DLGAP2: variants seen among roughly 807,000 people sequenced by gnomAD.
DLGAP2 encodes the protein DLG associated protein 2.
DLGAP2 carries 26 observed loss-of-function variants against 100.3 expected under a neutral mutation model. That is an observed-to-expected ratio of 0.26 (90% CI 0.19 to 0.36). DLGAP2 has a LOEUF of 0.36. Ranked by LOEUF, DLGAP2 falls within the 10% of genes least tolerant of loss-of-function variation. The pLI, the probability that DLGAP2 is intolerant of heterozygous loss-of-function variation, is 1.00. For missense variants in DLGAP2, 1,858 were observed against 1,453.2 expected (o/e 1.28, Z -4.53); for synonymous variants, 886 against 630.1 (o/e 1.41, Z -6.08).
chr8:1,410,469 C>G (rs535311350), intron 3 of DLGAP2, among the ~76,000 whole-genome samples: 2 of 152,232 alleles, frequency 1.3e-5, no homozygotes, highest in Non-Finnish European at 2.9e-5. Context: ...AACTTACTGT[C>G]ATGTCCCACA....
chr8:1,389,982 G>T (rs536303065), intron 3 of DLGAP2, among the ~76,000 whole-genome samples: 2 of 152,108 alleles, frequency 1.3e-5, no homozygotes, highest in African/African-American at 4.8e-5. Context: ...AGGAGCAACC[G>T]CAGGCTCTCG....
chr8:1,326,983 G>T (rs899867856), intron 3 of DLGAP2, among the ~76,000 whole-genome samples: 2 of 152,218 alleles, frequency 1.3e-5, no homozygotes, highest in African/African-American at 4.8e-5. Context: ...AATGACACAG[G>T]CCTTGGGCTA....
chr8:822,258 C>G (rs749142667), intron 1 of DLGAP2: 2 of 399,310 alleles, frequency 5.0e-6, no homozygotes, highest in African/African-American at 2.1e-5. Context: ...CCAGCATTTG[C>G]TTACTTCCTG....
At chr8:1,374,882 C>G (rs1048310600) in intron 3 of DLGAP2, among the ~76,000 whole-genome samples, 1 of 152,170 alleles carries the variant, frequency 6.6e-6, no homozygotes, top group Non-Finnish European at 1.5e-5. Flanking sequence ...CTTCGTCTTC[C>G]GTGACTCGCC....
At chr8:1,474,935 A>G (rs1446325938) in intron 3 of DLGAP2, among the ~76,000 whole-genome samples, 1 of 152,248 alleles carries the variant, frequency 6.6e-6, no homozygotes, top group African/African-American at 2.4e-5. Flanking sequence ...GCCCCCATAC[A>G]GACATCACAG....
At chr8:767,453 C>G (rs1821244920) in intron 1 of DLGAP2, among the ~76,000 whole-genome samples, 1 of 151,486 alleles carries the variant, frequency 6.6e-6, no homozygotes, top group African/African-American at 2.4e-5. Flanking sequence ...GCTCTGCCTC[C>G]CAGGTTCAAG....
At chr8:752,995 A>G (rs1001870351) in intron 1 of DLGAP2, among the ~76,000 whole-genome samples, 1 of 152,158 alleles carries the variant, frequency 6.6e-6, no homozygotes, top group African/African-American at 2.4e-5. Context: ...TGTGGTTACC[A>G]CTTTCCTACA....
rs539359359 is a variant in DLGAP2 at position 1,317,322 on chromosome 8, C to T, written c.106+58439C>T. On this transcript the variant is annotated intron_variant, in intron 3 of 14. Transcript: ENST00000637795. The stretch of plus-strand genomic sequence containing the variant: ...GCAGCTTTTAAAAATAGAGGCTGTG[C>T]GAGTGCAGCGTCTCTCCAACAGTGG... Among the ~76,000 whole-genome samples the T allele has an allele frequency of 7.0e-5, 9 of 128,846 alleles. 1 individual carries two copies. In the South Asian group the frequency reaches 1.9e-3, roughly 27 times the overall value. The allele number at this position is 128,846 out of a possible 152,430, so 84.5% of individuals were successfully genotyped here. A position where few individuals can be genotyped will look rare whatever the true frequency, so the allele number is the denominator to read the frequency against.
chr8:1,301,744 G>C (rs1252590831), intron 3 of DLGAP2: 1 of 152,226 alleles, frequency 6.6e-6, no homozygotes, highest in Non-Finnish European at 1.5e-5. Context: ...GTTTGAAGGA[G>C]GCTCTGGGCT....
chr8:1,661,942 T>C (rs952174503), intron 8 of DLGAP2, among the ~76,000 whole-genome samples: 2 of 152,204 alleles, frequency 1.3e-5, no homozygotes, highest in Admixed American at 6.5e-5. Flanking sequence ...GCCTGGGTGC[T>C]CTGCCAGAGC....
intron 4 of DLGAP2, among the ~76,000 whole-genome samples, chr8:1,508,214 A>G (rs1357581859): frequency 6.6e-6 from 1 of 150,684 alleles, no homozygotes; most frequent in Non-Finnish European, 1.5e-5. Context: ...TTTCTCCTAA[A>G]CATCACGCGT....
chr8:994,401 T>G (rs1056512459), intron 2 of DLGAP2, among the ~76,000 whole-genome samples: 1 of 152,130 alleles, frequency 6.6e-6, no homozygotes, highest in Non-Finnish European at 1.5e-5. Context: ...GTTTTCTCCA[T>G]GTTGGTCAGG....
intron 2 of DLGAP2, among the ~76,000 whole-genome samples, chr8:1,169,917 A>G (rs1179117395): frequency 3.9e-5 from 6 of 151,998 alleles, no homozygotes; most frequent in East Asian, 3.9e-4. Flanking sequence ...TTCCAACACT[A>G]GGTTGAATAG....
rs114665221 is a variant in DLGAP2, at chr8:1,072,188, A to G, written c.73+164222A>G. Among the ~76,000 whole-genome samples the G allele has an allele frequency of 1.0e-3, 153 of 152,224 alleles. 1 individual carries two copies. Among genetic ancestry groups the G allele is most frequent in the African/African-American group, 3.5e-3 (146 of 41,516 alleles). On this transcript the variant is annotated intron_variant, in intron 2 of 14. Coordinates refer to ENST00000637795, the MANE Select transcript of DLGAP2 (RefSeq NM_001346810.2). ...ACAGAAAAGTTGGTGACATCGAGAG[A>G]CATTCCCCCAGGGACTGTGAGGGGA...
intron 2 of DLGAP2, among the ~76,000 whole-genome samples, chr8:1,159,562 C>T (rs1421084338): frequency 5.8e-5 from 7 of 119,920 alleles, no homozygotes; most frequent in Non-Finnish European, 1.2e-4. Context: ...AAACAACTCA[C>T]GAAGCAGCAC....
intron 9 of DLGAP2, among the ~76,000 whole-genome samples, 171 bp from the exon 10 acceptor site, chr8:1,669,572 T>G (rs1374073869): frequency 6.6e-6 from 1 of 152,194 alleles, no homozygotes; most frequent in African/African-American, 2.4e-5. Flanking sequence ...ACAGTCAGAT[T>G]CTTGATTGCC....
intron 3 of DLGAP2, among the ~76,000 whole-genome samples, chr8:1,473,325 C>T (rs926042315): frequency 1.3e-5 from 2 of 152,216 alleles, no homozygotes; most frequent in Non-Finnish European, 2.9e-5. Context: ...AAGAAGGTTC[C>T]TCCGCCCAGC....
chr8:1,010,978 G>A (rs185695045), intron 2 of DLGAP2, among the ~76,000 whole-genome samples: 1 of 142,184 alleles, frequency 7.0e-6, no homozygotes, highest in South Asian at 2.2e-4. Flanking sequence ...CAGTCTGCAT[G>A]GTGAGCCCCG....
intron 4 of DLGAP2, among the ~76,000 whole-genome samples, chr8:1,529,404 C>G (rs987323532): frequency 2.6e-5 from 4 of 152,170 alleles, no homozygotes; most frequent in East Asian, 1.9e-4. Context: ...ATATCACCTT[C>G]TTATGATGTC....
Sources: allele counts gnomAD v4.1 joint callset (sites outside exome capture counted in the v4.1 genomes callset), GRCh38; gene constraint gnomAD v4.1.1; transcripts MANE v1.5; gene names NCBI Gene and HGNC (gene_info 2026-07-23, HGNC 2026-07-21).